RAP1GAP2: variants seen among roughly 807,000 people sequenced by gnomAD.
RAP1GAP2 encodes rap1 GTPase-activating protein 2.
RAP1GAP2 carries 27 observed loss-of-function variants against 95.0 expected under a neutral mutation model. The observed-to-expected ratio is 0.28, with a 90% CI of 0.21 to 0.39. The LOEUF (loss-of-function observed/expected upper bound fraction) is 0.39. RAP1GAP2 is among the 10% of genes least tolerant of loss of function. RAP1GAP2 has a pLI of 1.00. For missense variants in RAP1GAP2, 771 were observed against 970.0 expected, an observed-to-expected ratio of 0.79 and a Z score of 2.72; for synonymous variants, 373 against 380.9, an observed-to-expected ratio of 0.98 and a Z score of 0.24.
chr17:2,923,000 G>A (rs1026289188), intron 3 of RAP1GAP2, among the ~76,000 whole-genome samples: 5 of 150,006 alleles, frequency 3.3e-5, no homozygotes, highest in Admixed American at 3.3e-4. Context: ...TGCCTCAGCT[G>A]GAGTAGCTGG....
intron 17 of RAP1GAP2, among the ~76,000 whole-genome samples, chr17:3,012,811 G>A (rs1420152229): frequency 6.6e-6 from 1 of 152,128 alleles, no homozygotes; most frequent in Admixed American, 6.5e-5. Context: ...TGTACGTTAT[G>A]TTTGAACGAT....
chr17:2,772,197 A>G (rs1212500690), upstream of RAP1GAP2, among the ~76,000 whole-genome samples: 2 of 152,146 alleles, frequency 1.3e-5, no homozygotes, highest in African/African-American at 4.8e-5. Flanking sequence ...CACCATGGTC[A>G]GGCTGGTCTC....
Position 3,025,602 on chromosome 17 carries a change from T to A in RAP1GAP2, c.1752-406T>A, listed in dbSNP as rs562901413. 2.0e-3 allele frequency among the ~76,000 whole-genome samples: 304 copies of A among 152,238 alleles called. 2 individuals carry two copies. The highest frequency in any genetic ancestry group is 7.2e-3 in the African/African-American group (299 of 41,548). On this transcript the variant is annotated intron_variant, in intron 19 of 24. Coordinates refer to ENST00000254695, the MANE Select transcript of RAP1GAP2 (RefSeq NM_015085.5). The stretch of plus-strand genomic sequence containing the variant: ...CCGGGACTTCCCAGGAGTCCATGTG[T>A]ATTGGGTGGTTCCTGCGGTGGGGGC...
chr17:2,848,905 C>T (rs1026834374), intron 2 of RAP1GAP2, among the ~76,000 whole-genome samples: 1 of 152,188 alleles, frequency 6.6e-6, no homozygotes, highest in African/African-American at 2.4e-5. Context: ...CTCCCTCTTC[C>T]CCCTCCTCTG....
chr17:2,874,606 G>A (rs1054588022), intron 2 of RAP1GAP2, among the ~76,000 whole-genome samples: 1 of 152,160 alleles, frequency 6.6e-6, no homozygotes, highest in African/African-American at 2.4e-5. Context: ...CCCGATCAAG[G>A]TCAACAGCCT....
upstream of RAP1GAP2, among the ~76,000 whole-genome samples, chr17:2,791,955 G>A (rs990201560): frequency 3.3e-5 from 5 of 151,424 alleles, no homozygotes; most frequent in African/African-American, 1.2e-4. Flanking sequence ...CGCCTCCCAG[G>A]CTCAAACGAT....
intron 1 of RAP1GAP2, among the ~76,000 whole-genome samples, chr17:2,765,236 G>T (rs1289294248): frequency 2.0e-5 from 3 of 152,160 alleles, no homozygotes; most frequent in South Asian, 2.1e-4. Context: ...CCAGGAACGG[G>T]GGAATGATGT....
In RAP1GAP2 at chr17:2,820,891, GGTT is replaced by G. The variant is rs1567678113; in HGVS notation, c.80+20342_80+20344del. On this transcript the variant is annotated intron_variant, in intron 2 of 24. Transcript: ENST00000254695. ...TGCCCGCCACCACGGCCCGGATAAT[GGTT>G]TTTTTTTTTTTTTTTGTATTTTTAG... Among the ~76,000 whole-genome samples, 44 of 114,004 alleles carry G rather than the reference GGTT, an allele frequency of 3.9e-4. 1 individual carries two copies. Among genetic ancestry groups the G allele is most frequent in the African/African-American group, 9.1e-4 (27 of 29,826 alleles). The allele number at this position is 114,004 out of a possible 152,430, so 74.8% of individuals were successfully genotyped here. A position where few individuals can be genotyped will look rare whatever the true frequency, so the allele number is the denominator to read the frequency against.
intron 3 of RAP1GAP2, among the ~76,000 whole-genome samples, chr17:2,938,986 C>A (rs1382411132): frequency 6.6e-6 from 1 of 152,108 alleles, no homozygotes; most frequent in East Asian, 1.9e-4. Flanking sequence ...AACTCCGTCT[C>A]AAAAAACAAA....
intron 2 of RAP1GAP2, among the ~76,000 whole-genome samples, chr17:2,836,829 A>G (rs1301649237): frequency 3.3e-5 from 5 of 152,190 alleles, no homozygotes; most frequent in African/African-American, 1.2e-4. Context: ...GTGAGCTTTG[A>G]AAATCTCAGT....
intron 17 of RAP1GAP2, among the ~76,000 whole-genome samples, chr17:3,015,747 G>T (rs1434078951): frequency 6.6e-6 from 1 of 152,120 alleles, no homozygotes; most frequent in Non-Finnish European, 1.5e-5. Context: ...AACCTGGGAA[G>T]CGGAGGATGC....
intron 2 of RAP1GAP2, among the ~76,000 whole-genome samples, chr17:2,875,412 T>C (rs2073052725): frequency 2.0e-5 from 3 of 152,210 alleles, no homozygotes; most frequent in Non-Finnish European, 2.9e-5. Flanking sequence ...TGGGGTGATA[T>C]GAAGTTGTTG....
chr17:2,826,875 G>A (rs2070589830), intron 2 of RAP1GAP2, among the ~76,000 whole-genome samples: 2 of 152,104 alleles, frequency 1.3e-5, no homozygotes, highest in Non-Finnish European at 1.5e-5. Context: ...GCGTGGTGGC[G>A]TACGCCTGTA....
Position 2,855,461 on chromosome 17 carries a change from T to A in RAP1GAP2, c.81-49823T>A, listed in dbSNP as rs561156021. ...TCTGAGTGGGGAACAGTTGCCTGGC[T>A]AGAACTTAGGTTGTTTTTGTTTTTG... is the stretch of plus-strand genomic sequence containing the variant. On this transcript the variant is annotated intron_variant, in intron 2 of 24. Coordinates refer to ENST00000254695, the MANE Select transcript of RAP1GAP2 (RefSeq NM_015085.5). This position sits in a 1 kb window ranked among gnomAD's most constrained non-coding sequence, Gnocchi z 4.3. Among the ~76,000 whole-genome samples the A allele has an allele frequency of 3.3e-4, 50 of 152,208 alleles. 1 individual carries two copies. The highest frequency in any genetic ancestry group is 5.1e-4 in the Non-Finnish European group (35 of 68,038).
rs1450707907 is a variant in RAP1GAP2 at position 2,871,387 on chromosome 17, G to A, written c.81-33897G>A. Among the ~76,000 whole-genome samples, 1 of 152,208 alleles carries A rather than the reference G, an allele frequency of 6.6e-6. No homozygotes were observed. Among genetic ancestry groups the A allele is most frequent in the Non-Finnish European group, 1.5e-5 (1 of 68,036 alleles). On this transcript the variant is annotated intron_variant, in intron 2 of 24. Transcript: ENST00000254695. This position sits in a 1 kb window ranked among gnomAD's most constrained non-coding sequence, Gnocchi z 5.0. ...ATTGTGTGTCCATCTCAGTCCCTAT[G>A]TGCAGGGGTGGGAGCGGGGAGCCAT...
chr17:2,949,439 C>G (rs944245646), intron 3 of RAP1GAP2, among the ~76,000 whole-genome samples: 2 of 151,796 alleles, frequency 1.3e-5, no homozygotes, highest in African/African-American at 2.4e-5. Flanking sequence ...TGAGCATTAA[C>G]CGAGTGCCTG....
At chr17:2,931,280 T>TGTGTG (rs2043143190) in intron 3 of RAP1GAP2, among the ~76,000 whole-genome samples, 19 of 146,756 alleles carry the variant, frequency 1.3e-4, no homozygotes, top group African/African-American at 4.4e-4. Flanking sequence ...TGAGTGTTTC[T>TGTGTG]TGTGTGTGTG....
intron 8 of RAP1GAP2, among the ~76,000 whole-genome samples, chr17:2,974,998 G>A (rs2045050662): frequency 6.6e-6 from 1 of 152,226 alleles, no homozygotes. Flanking sequence ...GGAAGCCAAG[G>A]TGGATGGATC....
chr17:2,811,670 C>T (rs188103487), intron 2 of RAP1GAP2, among the ~76,000 whole-genome samples: 48 of 152,306 alleles, frequency 3.2e-4, no homozygotes, highest in Admixed American at 2.5e-3. Context: ...CTCTGCCTCC[C>T]GGGTTCAAGT....
Sources: allele counts gnomAD v4.1 joint callset (sites outside exome capture counted in the v4.1 genomes callset), GRCh38; gene constraint gnomAD v4.1.1; non-coding constraint Gnocchi (gnomAD v3.1); transcripts MANE v1.5; gene names NCBI Gene and HGNC (gene_info 2026-07-23, HGNC 2026-07-21).